LRCH1: variants seen among roughly 807,000 people sequenced by gnomAD.
LRCH1 encodes the protein leucine rich repeats and calponin homology domain containing 1, also known as leucine-rich repeat and calponin homology domain-containing protein 1.
A neutral mutation model predicts 94.9 loss-of-function variants in LRCH1; 23 were observed. The observed-to-expected ratio is 0.24, with a 90% CI of 0.17 to 0.34. The LOEUF (loss-of-function observed/expected upper bound fraction) is 0.34. Ranked by LOEUF, LRCH1 falls within the 10% of genes least tolerant of loss-of-function variation. The probability of loss-of-function intolerance (pLI) is 1.00; values close to 1 mark genes in which losing one functional copy is unlikely to be tolerated. For synonymous variants in LRCH1, 364 were observed against 354.9 expected, an observed-to-expected ratio of 1.03 and a Z score of -0.29; for missense variants, 790 against 945.9, an observed-to-expected ratio of 0.84 and a Z score of 2.16.
At chr13:46,700,168 A>T (rs1242835000) in intron 10 of LRCH1, among the ~76,000 whole-genome samples, 1 of 152,210 alleles carries the variant, frequency 6.6e-6, no homozygotes, top group Non-Finnish European at 1.5e-5. Context: ...GACATAGAGT[A>T]TAGTTTTTGT....
downstream of LRCH1, among the ~76,000 whole-genome samples, chr13:46,748,512 A>G (rs1160423603): frequency 6.6e-6 from 1 of 152,222 alleles, no homozygotes; most frequent in African/African-American, 2.4e-5. Context: ...GTGAAATGCC[A>G]GATTCAAGTG....
intron 1 of LRCH1, among the ~76,000 whole-genome samples, chr13:46,595,565 G>T (rs2050552402): frequency 2.0e-5 from 3 of 152,090 alleles, no homozygotes; most frequent in Admixed American, 2.0e-4. Flanking sequence ...ATCCAGCTGG[G>T]GCTGAAGCCA....
intron 1 of LRCH1, among the ~76,000 whole-genome samples, chr13:46,605,039 G>C (rs762832977): frequency 6.6e-6 from 1 of 152,176 alleles, no homozygotes; most frequent in Non-Finnish European, 1.5e-5. Context: ...TAAAGAAATT[G>C]ACCCATTAAT....
At chr13:46,593,452 C>CA (rs2050524678) in intron 1 of LRCH1, among the ~76,000 whole-genome samples, 1 of 145,692 alleles carries the variant, frequency 6.9e-6, no homozygotes, top group Admixed American at 6.7e-5. Flanking sequence ...AGGCAGTAAT[C>CA]AAAGAGCCTA....
chr13:46,614,382 G>A (rs2050782154), intron 1 of LRCH1, among the ~76,000 whole-genome samples: 1 of 152,054 alleles, frequency 6.6e-6, no homozygotes. Flanking sequence ...GAAAGATTAG[G>A]AGAAAGAATA....
chr13:46,653,504 A>G (rs1467762918), intron 2 of LRCH1, among the ~76,000 whole-genome samples: 1 of 152,152 alleles, frequency 6.6e-6, no homozygotes, highest in Non-Finnish European at 1.5e-5. Flanking sequence ...CTCCTATAAA[A>G]TTTTTTACAT....
At chr13:46,685,688 C>T (rs1870571157) in intron 4 of LRCH1, among the ~76,000 whole-genome samples, 1 of 151,834 alleles carries the variant, frequency 6.6e-6, no homozygotes, top group Non-Finnish European at 1.5e-5. Context: ...GAACTAACAA[C>T]AATTTAAAAC....
intron 16 of LRCH1, among the ~76,000 whole-genome samples, chr13:46,718,265 G>C (rs1872422655): frequency 6.6e-6 from 1 of 152,128 alleles, no homozygotes; most frequent in South Asian, 2.1e-4. Flanking sequence ...GTTTACATTA[G>C]TCTCTGAAAT....
intron 1 of LRCH1, among the ~76,000 whole-genome samples, chr13:46,557,348 A>G (rs1173372842): frequency 6.6e-6 from 1 of 151,532 alleles, no homozygotes; most frequent in Non-Finnish European, 1.5e-5. Context: ...ACACTTGTTG[A>G]AAGTCTTGTT....
intron 1 of LRCH1, among the ~76,000 whole-genome samples, chr13:46,568,694 A>C (rs2050210900): frequency 6.6e-6 from 1 of 152,238 alleles, no homozygotes; most frequent in East Asian, 1.9e-4. Context: ...AAACAGACAT[A>C]GTGACAGAAG....
downstream of LRCH1, among the ~76,000 whole-genome samples, chr13:46,747,610 G>A (rs1422668756): frequency 1.3e-5 from 2 of 152,212 alleles, no homozygotes; most frequent in African/African-American, 4.8e-5. Flanking sequence ...GCAAAATGTC[G>A]TGCTGCACTG....
chr13:46,625,709 A>G (rs2050940387), intron 1 of LRCH1, among the ~76,000 whole-genome samples: 3 of 150,936 alleles, frequency 2.0e-5, no homozygotes. Flanking sequence ...GCTGGAGCAA[A>G]GTGGCATGAT....
chr13:46,729,266 G>A (rs1001883581), intron 18 of LRCH1, among the ~76,000 whole-genome samples: 1 of 152,088 alleles, frequency 6.6e-6, no homozygotes, highest in Non-Finnish European at 1.5e-5. Flanking sequence ...GGGCGGGCAC[G>A]GTGGCTCACA....
intron 1 of LRCH1, among the ~76,000 whole-genome samples, chr13:46,583,908 G>A (rs982550555): frequency 6.6e-6 from 1 of 151,922 alleles, no homozygotes; most frequent in African/African-American, 2.4e-5. Context: ...TTACAGGCGT[G>A]AGCCACTGCG....
At chr13:46,607,605 CTTCTCCTTCTCT>C (rs1257986015) in intron 1 of LRCH1, among the ~76,000 whole-genome samples, 2 of 151,728 alleles carry the variant, frequency 1.3e-5, no homozygotes, top group African/African-American at 4.8e-5. Flanking sequence ...TCTCCTTCTC[CTTCTCCTTCTCT>C]TTCTCCCCTT....
In LRCH1 at chr13:46,736,580, C is replaced by T. The variant is rs145148853; in HGVS notation, c.2085+2582C>T. Reference sequence around the variant, plus strand: ...CAGAAATTCTCCATCTATAATTAGACATTTTAAAAGACATTTTTAAAGACC... The same window carrying T: ...CAGAAATTCTCCATCTATAATTAGATATTTTAAAAGACATTTTTAAAGACC... On this transcript the variant is annotated intron_variant, in intron 19 of 19. Transcript: ENST00000389797. Among the ~76,000 whole-genome samples the T allele has an allele frequency of 1.2e-4, 18 of 152,260 alleles. No individual in the cohort carries two copies. In the East Asian group the frequency reaches 3.5e-3, roughly 29 times the overall value.
chr13:46,680,327 G>A (rs1028330488), intron 3 of LRCH1: 1 of 152,196 alleles, frequency 6.6e-6, no homozygotes, highest in African/African-American at 2.4e-5. Flanking sequence ...CTGGCAGTGG[G>A]AGGATGGAAT....
chr13:46,663,032 A>C (rs142750567), intron 2 of LRCH1, among the ~76,000 whole-genome samples: 3 of 152,282 alleles, frequency 2.0e-5, no homozygotes, highest in Admixed American at 2.0e-4. Context: ...TCAAATGATG[A>C]TTCTGTTTTT....
Position 46,606,958 on chromosome 13 carries a change from G to A in LRCH1, c.308-43243G>A, listed in dbSNP as rs140606843. 7.5e-4 allele frequency among the ~76,000 whole-genome samples: 114 copies of A among 152,296 alleles called. No homozygotes were observed. The East Asian group carries it at 0.018, about 23-fold the overall frequency. On this transcript the variant is annotated intron_variant, in intron 1 of 19. Coordinates refer to ENST00000389797, the MANE Select transcript of LRCH1 (RefSeq NM_001164211.2). ...CAGGAGGAGAAGCACCTATTTGGGT[G>A]AAGAGGAAGAGATGGGAGTCAGGGG...
Sources: allele counts gnomAD v4.1 joint callset (sites outside exome capture counted in the v4.1 genomes callset), GRCh38; gene constraint gnomAD v4.1.1; transcripts MANE v1.5; gene names NCBI Gene and HGNC (gene_info 2026-07-23, HGNC 2026-07-21).